The following FILIP1 variants were observed in gnomAD, a reference collection of about 807,000 sequenced individuals.
FILIP1 encodes the protein filamin A interacting protein 1.
In FILIP1, 61 loss-of-function variants were observed where a neutral mutation model predicts 102.1. The observed-to-expected ratio is 0.60, with a 90% CI of 0.49 to 0.74. The LOEUF is 0.74. Ranked by LOEUF, FILIP1 falls within the 30% of genes least tolerant of loss-of-function variation. The probability of loss-of-function intolerance (pLI) is 0.00; values close to 1 mark genes in which losing one functional copy is unlikely to be tolerated. For synonymous variants in FILIP1, 491 were observed against 526.9 expected, an observed-to-expected ratio of 0.93 and a Z score of 0.93; for missense variants, 1,314 against 1,441.2, an observed-to-expected ratio of 0.91 and a Z score of 1.43.
rs187897585 is a variant in FILIP1, at chr6:75,482,593, G to A, written c.-7+10821C>T. Reference sequence around the variant, plus strand: ...AAATATGTATGCATCATGCTAATTAGAGCTACTAAGTCCAGCTCCCACTTA... The same window carrying A: ...AAATATGTATGCATCATGCTAATTAAAGCTACTAAGTCCAGCTCCCACTTA... On this transcript the variant is annotated intron_variant, in intron 1 of 5. Transcript: ENST00000237172. 1.1e-4 allele frequency among the ~76,000 whole-genome samples: 16 copies of A among 152,298 alleles called. No individual in the cohort carries two copies. In the East Asian group the frequency reaches 3.1e-3, roughly 29 times the overall value.
intron 1 of FILIP1, among the ~76,000 whole-genome samples, chr6:75,463,792 G>A (rs935628680): frequency 6.6e-6 from 1 of 152,142 alleles, no homozygotes. Context: ...CAGAGTCAGT[G>A]AACTTTTTCC....
At position 75,485,471 on chromosome 6, in the gene FILIP1, T is replaced by C. The variant is rs551037449; in HGVS notation, c.-7+7943A>G. Among the ~76,000 whole-genome samples, 8 of 152,282 alleles carry C rather than the reference T, an allele frequency of 5.3e-5. No homozygotes were observed. The South Asian group carries it at 1.7e-3, about 32-fold the overall frequency. The stretch of plus-strand genomic sequence containing the variant: ...TAGAGATTTATTCTGTTATATTCCA[T>C]CCCATATAAAACATTCACCTTCCTG... On this transcript the variant is annotated intron_variant, in intron 1 of 5. Coordinates refer to ENST00000237172, the MANE Select transcript of FILIP1 (RefSeq NM_015687.5).
In FILIP1 at chr6:75,476,199, C is replaced by G. The variant is rs555237044; in HGVS notation, c.-7+17215G>C. ...AAGGTTACAGTGAGCCAAGATCACACCACTGCACTCGAGCCTGGGCGACAG... is the reference window on the plus strand; with the variant it reads ...AAGGTTACAGTGAGCCAAGATCACAGCACTGCACTCGAGCCTGGGCGACAG... On this transcript the variant is annotated intron_variant, in intron 1 of 5. Coordinates refer to ENST00000237172, the MANE Select transcript of FILIP1 (RefSeq NM_015687.5). 4.1e-4 allele frequency among the ~76,000 whole-genome samples: 61 copies of G among 149,698 alleles called. No individual in the cohort carries two copies. In the South Asian group the frequency reaches 7.2e-3, roughly 18 times the overall value.
chr6:75,462,302 T>C (rs1387437877), intron 1 of FILIP1, among the ~76,000 whole-genome samples: 1 of 152,082 alleles, frequency 6.6e-6, no homozygotes, highest in Admixed American at 6.6e-5. Context: ...AGTGCTGAAA[T>C]GACTTGGAGG....
chr6:75,300,340 C>T (rs1772804739), intron 6 of FILIP1, among the ~76,000 whole-genome samples: 1 of 152,120 alleles, frequency 6.6e-6, no homozygotes, highest in South Asian at 2.1e-4. Context: ...CTATATATAA[C>T]CTGCTTCCCA....
chr6:75,445,924 T>C (rs1778431061), intron 1 of FILIP1, among the ~76,000 whole-genome samples: 1 of 152,178 alleles, frequency 6.6e-6, no homozygotes, highest in Non-Finnish European at 1.5e-5. Flanking sequence ...ATAAGATCAT[T>C]ATTTTGCTGA....
chr6:75,442,717 T>G (rs537865864), intron 1 of FILIP1, among the ~76,000 whole-genome samples: 7 of 152,216 alleles, frequency 4.6e-5, no homozygotes, highest in African/African-American at 1.7e-4. Flanking sequence ...CAGTCCAGCC[T>G]TGGCTCGGCA....
At chr6:75,312,003 T>A (rs1416517573) in intron 5 of FILIP1, among the ~76,000 whole-genome samples, 2 of 152,138 alleles carry the variant, frequency 1.3e-5, no homozygotes, top group African/African-American at 2.4e-5. Flanking sequence ...CATAGAAACA[T>A]AACCTAGGAG....
intron 1 of FILIP1, among the ~76,000 whole-genome samples, chr6:75,416,281 C>A (rs761732757): frequency 2.0e-5 from 3 of 152,066 alleles, no homozygotes; most frequent in Non-Finnish European, 4.4e-5. Flanking sequence ...ATCTTGAAAT[C>A]TACATTAATG....
chr6:75,418,487 G>C (rs1777345890), intron 1 of FILIP1, among the ~76,000 whole-genome samples: 1 of 152,202 alleles, frequency 6.6e-6, no homozygotes, highest in Non-Finnish European at 1.5e-5. Flanking sequence ...CAGACTCATT[G>C]TGTTAAAAGC....
At chr6:75,340,631 C>G (rs1774388195) in intron 4 of FILIP1, among the ~76,000 whole-genome samples, 1 of 152,014 alleles carries the variant, frequency 6.6e-6, no homozygotes, top group Non-Finnish European at 1.5e-5. Flanking sequence ...TTTGTTTCTG[C>G]TAGAAAACTT....
chr6:75,332,844 A>G (rs1329760715), intron 4 of FILIP1, among the ~76,000 whole-genome samples: 1 of 152,184 alleles, frequency 6.6e-6, no homozygotes, highest in Non-Finnish European at 1.5e-5. Flanking sequence ...AGGTTTTCTG[A>G]GACTAGTCAA....
chr6:75,479,417 A>T (rs1209576658), intron 1 of FILIP1, among the ~76,000 whole-genome samples: 1 of 152,096 alleles, frequency 6.6e-6, no homozygotes, highest in Non-Finnish European at 1.5e-5. Flanking sequence ...CTGGGTATTG[A>T]ATTTTTTGTC....
intron 1 of FILIP1, among the ~76,000 whole-genome samples, chr6:75,452,100 G>A (rs954445356): frequency 1.4e-5 from 2 of 146,762 alleles, no homozygotes; most frequent in African/African-American, 5.0e-5. Flanking sequence ...TTCTACCAAA[G>A]TTTTTTTTTT....
intron 1 of FILIP1, among the ~76,000 whole-genome samples, chr6:75,420,403 TTGAA>T (rs1777418020): frequency 6.6e-6 from 1 of 152,146 alleles, no homozygotes. Context: ...GTTTTAAACT[TTGAA>T]TGGTGATAGA....
At chr6:75,389,727 A>C (rs1776219835) in intron 2 of FILIP1, among the ~76,000 whole-genome samples, 1 of 150,766 alleles carries the variant, frequency 6.6e-6, no homozygotes, top group Non-Finnish European at 1.5e-5. Flanking sequence ...TCTCCCCTTT[A>C]TCATTTTTAT....
chr6:75,438,374 C>T (rs1778093368), intron 1 of FILIP1, among the ~76,000 whole-genome samples: 1 of 152,158 alleles, frequency 6.6e-6, no homozygotes, highest in Non-Finnish European at 1.5e-5. Flanking sequence ...TCTTCTTATC[C>T]TCCTTTATTT....
At position 75,308,549 on chromosome 6, in the gene FILIP1, C is replaced by G; in HGVS notation, c.*142G>C. The G allele has an allele frequency of 6.8e-7, 1 of 1,476,332 alleles. No individual in the cohort carries two copies. 91.5% of individuals were successfully genotyped at this position (1,476,332 alleles called of 1,614,324 possible). A position where few individuals can be genotyped will look rare whatever the true frequency, so the allele number is the denominator to read the frequency against. ...AAACAAATGCACAAAATGGGAAAGA[C>G]AAATGGTTATTAGTTGGTTATTTTA... On this transcript the variant is annotated 3_prime_UTR_variant, in exon 6 of 6. Transcript: ENST00000237172.
intron 1 of FILIP1, among the ~76,000 whole-genome samples, chr6:75,480,010 C>T (rs1278469431): frequency 6.7e-6 from 1 of 149,420 alleles, no homozygotes; most frequent in Non-Finnish European, 1.5e-5. Flanking sequence ...AGTTTTCATT[C>T]AGTTTTTATG....
Sources: gnomAD v4.1 joint callset for allele counts (sites outside exome capture counted in the v4.1 genomes callset) on GRCh38, gnomAD v4.1.1 for gene constraint, MANE v1.5 for transcripts, NCBI Gene and HGNC (gene_info 2026-07-23, HGNC 2026-07-21) for gene names.